The following IL1R1 variants were observed in gnomAD, a reference collection of about 807,000 sequenced individuals.
The protein encoded by IL1R1 is interleukin-1 receptor type 1.
In IL1R1, 22 loss-of-function variants were observed where a neutral mutation model predicts 50.2. The ratio of observed to expected loss-of-function variants is 0.44; its 90% CI spans 0.31 to 0.63. The LOEUF (loss-of-function observed/expected upper bound fraction) is 0.63. IL1R1 is among the 20% of genes least tolerant of loss of function. IL1R1 has a pLI of 0.07. For missense variants in IL1R1, 509 were observed against 676.2 expected (o/e 0.75, Z 2.74); for synonymous variants, 251 against 236.7 (o/e 1.06, Z -0.55).
chr2:102,174,987 T>C (rs569395700), intron 10 of IL1R1, among the ~76,000 whole-genome samples: 1 of 152,282 alleles, frequency 6.6e-6, no homozygotes, highest in South Asian at 2.1e-4. Flanking sequence ...ATAAATTCAG[T>C]TATGCACAAG....
intron 1 of IL1R1, among the ~76,000 whole-genome samples, chr2:102,136,775 T>G (rs1014352426): frequency 2.0e-5 from 3 of 152,188 alleles, no homozygotes; most frequent in African/African-American, 7.2e-5. Context: ...TGGGTGTGAA[T>G]GTAATAGTTG....
At chr2:102,094,133 T>C (rs1221585904) in intron 1 of IL1R1, among the ~76,000 whole-genome samples, 4 of 152,224 alleles carry the variant, frequency 2.6e-5, no homozygotes, top group African/African-American at 9.6e-5. Context: ...ATATTTTCAC[T>C]CACTGGCAAA....
intron 6 of IL1R1, among the ~76,000 whole-genome samples, chr2:102,166,938 T>C (rs1470045380): frequency 1.3e-5 from 2 of 152,232 alleles, no homozygotes; most frequent in African/African-American, 4.8e-5. Flanking sequence ...GCGTTAACCA[T>C]GTTTCATATT....
intron 3 of IL1R1, among the ~76,000 whole-genome samples, chr2:102,161,994 G>A (rs376207292): frequency 6.6e-6 from 1 of 152,096 alleles, no homozygotes; most frequent in Non-Finnish European, 1.5e-5. Flanking sequence ...GAGCCACCAC[G>A]CCTGGCTGAC....
intron 1 of IL1R1, among the ~76,000 whole-genome samples, chr2:102,125,684 C>A (rs982043246): frequency 5.3e-5 from 8 of 152,236 alleles, no homozygotes; most frequent in Middle Eastern, 6.8e-3. Context: ...TCCTGGTGGT[C>A]TTGGGTGTAA....
rs368555320 is a variant in IL1R1 at position 102,171,938 on chromosome 2, T to C, written c.839+20T>C. 6 of 1,327,970 alleles carry C rather than the reference T, an allele frequency of 4.5e-6. No individual in the cohort carries two copies. In the African/African-American group the frequency reaches 5.8e-5, roughly 13 times the overall value. The allele number at this position is 1,327,970 out of a possible 1,614,324, so 82.3% of individuals were successfully genotyped here. Reference sequence around the variant, plus strand: ...TTACAGGTATGTATGCTAAGAGTTATTCACATTTTGGTGTTAAATCCCACG... The same window carrying C: ...TTACAGGTATGTATGCTAAGAGTTACTCACATTTTGGTGTTAAATCCCACG... On this transcript the variant is annotated intron_variant, in intron 8 of 11. Transcript: ENST00000410023.
intron 1 of IL1R1, among the ~76,000 whole-genome samples, chr2:102,085,138 T>C (rs745482318): frequency 6.6e-6 from 1 of 152,252 alleles, no homozygotes; most frequent in Admixed American, 6.5e-5. Flanking sequence ...AAGAACACTT[T>C]GTCAGCAGTA....
chr2:102,164,622 C>T (rs1317491010), intron 3 of IL1R1, 152 bp from the exon 4 acceptor site: 9 of 611,350 alleles, frequency 1.5e-5, no homozygotes, highest in East Asian at 5.6e-5. Context: ...TCTCAGACTC[C>T]CCAGATAATG....
At chr2:102,108,460 T>G (rs1680550822) in intron 1 of IL1R1, among the ~76,000 whole-genome samples, 1 of 152,158 alleles carries the variant, frequency 6.6e-6, no homozygotes, top group South Asian at 2.1e-4. Flanking sequence ...GACTGAGAGC[T>G]CCTCAAAGAC....
At chr2:102,160,274 C>G (rs1046457674) in intron 3 of IL1R1, among the ~76,000 whole-genome samples, 3 of 151,512 alleles carry the variant, frequency 2.0e-5, no homozygotes, top group Admixed American at 2.0e-4. Flanking sequence ...CTTTTTTTTC[C>G]TGATTAGTCT....
chr2:102,175,667 G>GTA (rs1686065476), intron 11 of IL1R1, 22 bp downstream of exon 11: 1 of 1,609,120 alleles, frequency 6.2e-7, no homozygotes. Context: ...ATGGAACAGA[G>GTA]TAAAGGCTTA....
At chr2:102,112,480 C>T (rs1013786799) in intron 1 of IL1R1, among the ~76,000 whole-genome samples, 1 of 151,994 alleles carries the variant, frequency 6.6e-6, no homozygotes, top group Non-Finnish European at 1.5e-5. Flanking sequence ...CAGCTCACCC[C>T]CTTCAGTGAG....
In IL1R1 at chr2:102,172,661, GTTTA is replaced by G. The variant is rs762425452; in HGVS notation, c.840-21_840-18del. ...TAGTTGATGCAATTAACTTACACAA[GTTTA>G]TTTACTCTCTCTCTCGAATAGTGTG... On this transcript the variant is annotated intron_variant, in intron 8 of 11. Transcript: ENST00000410023. The G allele has an allele frequency of 3.7e-5, 58 of 1,572,580 alleles. No individual in the cohort carries two copies. The African/African-American group carries it at 6.8e-4, about 18-fold the overall frequency.
intron 1 of IL1R1, among the ~76,000 whole-genome samples, chr2:102,096,341 T>C (rs1679901961): frequency 6.6e-6 from 1 of 152,216 alleles, no homozygotes; most frequent in Admixed American, 6.5e-5. Context: ...GTTGCAGTGA[T>C]TTATATCACA....
At chr2:102,081,697 T>C (rs1341014523) in intron 1 of IL1R1, among the ~76,000 whole-genome samples, 1 of 152,204 alleles carries the variant, frequency 6.6e-6, no homozygotes, top group Admixed American at 6.5e-5. Context: ...GGCGACTTGA[T>C]TCTCATCTGA....
At chr2:102,078,788 T>C (rs1348943960) in intron 1 of IL1R1, among the ~76,000 whole-genome samples, 1 of 151,936 alleles carries the variant, frequency 6.6e-6, no homozygotes, top group Non-Finnish European at 1.5e-5. Context: ...AAACATCATA[T>C]GAAAAGTAAA....
At chr2:102,093,994 C>T (rs1679795187) in intron 1 of IL1R1, among the ~76,000 whole-genome samples, 1 of 152,214 alleles carries the variant, frequency 6.6e-6, no homozygotes. Flanking sequence ...ACACCATGAT[C>T]TGCCCTGGGG....
chr2:102,120,876 C>G (rs1027563078), intron 1 of IL1R1, among the ~76,000 whole-genome samples: 1 of 152,166 alleles, frequency 6.6e-6, no homozygotes, highest in African/African-American at 2.4e-5. Flanking sequence ...GTTTAATGAT[C>G]AAATGTAAGA....
chr2:102,076,249 C>T (rs920429169), intron 1 of IL1R1, among the ~76,000 whole-genome samples: 3 of 147,990 alleles, frequency 2.0e-5, no homozygotes, highest in Non-Finnish European at 3.0e-5. Context: ...GTGATCTCGG[C>T]TCACTGCAAG....
Sources: gnomAD v4.1 joint callset for allele counts (sites outside exome capture counted in the v4.1 genomes callset) on GRCh38, gnomAD v4.1.1 for gene constraint, MANE v1.5 for transcripts, NCBI Gene and HGNC (gene_info 2026-07-23, HGNC 2026-07-21) for gene names.